The following ANK3 variants were observed in gnomAD, a reference collection of about 807,000 sequenced individuals.
ANK3 encodes ankyrin-3.
Under a neutral mutation model 370.9 loss-of-function variants are expected in ANK3, and 57 were observed. That is an observed-to-expected ratio of 0.15 (90% CI 0.12 to 0.19). The LOEUF is 0.19. ANK3 is among the 10% of genes least tolerant of loss of function. The pLI is 1.00. For missense variants in ANK3, 4,439 were observed against 5,302.1 expected, an observed-to-expected ratio of 0.84 and a Z score of 5.06; for synonymous variants, 1,929 against 1,946.3, an observed-to-expected ratio of 0.99 and a Z score of 0.23.
chr10:60,322,082 T>C (rs113529352), intron 1 of ANK3, among the ~76,000 whole-genome samples: 77 of 152,306 alleles, frequency 5.1e-4, no homozygotes, highest in African/African-American at 1.8e-3. Context: ...TTTCTAGTTG[T>C]ATAAATATTT....
At chr10:60,732,836 T>A (rs1266889039) in intron 1 of ANK3, among the ~76,000 whole-genome samples, 1 of 151,888 alleles carries the variant, frequency 6.6e-6, no homozygotes, top group Admixed American at 6.6e-5. Flanking sequence ...TTCAGTCGTG[T>A]CCTTAGGAAA....
chr10:60,106,073 C>A lies in ANK3; in HGVS notation c.3174-14G>T, dbSNP rs2092126292. On this transcript the variant is annotated splice_polypyrimidine_tract_variant and intron_variant, in intron 27 of 43. Coordinates refer to ENST00000280772, the MANE Select transcript of ANK3 (RefSeq NM_020987.5). ...ACTATGACAGGGCTGGAAAAAAAAT[C>A]CACATTATTTTGGTATCAAATTAAA... 1.3e-6 allele frequency: 2 copies of A among 1,593,150 alleles called. No individual in the cohort carries two copies. Among genetic ancestry groups the A allele is most frequent in the East Asian group, 2.3e-5 (1 of 43,744 alleles).
chr10:60,579,504 T>C (rs1163493901), intron 2 of ANK3, among the ~76,000 whole-genome samples: 1 of 152,004 alleles, frequency 6.6e-6, no homozygotes. Flanking sequence ...ATTTGTACCC[T>C]CACCTGTGAC....
Position 60,069,280 on chromosome 10 carries a change from T to C in ANK3, c.11601A>G (p.Ile3867Met). ...AGGTATCTTTTGGTGAAGTGGCCTT[T>C]ATGGGAAGTTTGGATTTTTGCCTAA... ...IGIRQKSKLP[I>M]KATSPKDTFP... Residue 3867 changes from isoleucine (I) to methionine (M), a missense_variant, in exon 37 of 44, where the codon ATA becomes ATG. Around this residue, in one of 13 missense-constraint regions of ANK3, gnomAD observed 496 missense variants for 529.3 expected, o/e 0.94. Transcript: ENST00000280772. 6.2e-7 allele frequency: 1 copy of C among 1,614,168 alleles called. No homozygotes were observed. Among genetic ancestry groups the C allele is most frequent in the Non-Finnish European group, 8.5e-7 (1 of 1,179,996 alleles).
chr10:60,530,531 A>C (rs2076580349), intron 2 of ANK3, among the ~76,000 whole-genome samples: 1 of 151,702 alleles, frequency 6.6e-6, no homozygotes, highest in South Asian at 2.1e-4. Context: ...ACTAGACTGC[A>C]GCAAATGAGG....
chr10:60,536,811 A>G (rs1595229867), intron 2 of ANK3, among the ~76,000 whole-genome samples: 2 of 152,032 alleles, frequency 1.3e-5, no homozygotes, highest in East Asian at 3.9e-4. Flanking sequence ...TTCTTTAAGT[A>G]ATAGTGCACC....
Position 60,077,866 on chromosome 10 carries a change from G to A in ANK3, c.4433-1418C>T, listed in dbSNP as rs543852512. On this transcript the variant is annotated intron_variant, in intron 36 of 43. Coordinates refer to ENST00000280772, the MANE Select transcript of ANK3 (RefSeq NM_020987.5). ...ATATCACAAACACTGAAGCAGTCAC[G>A]AGGGAGACCTACCACTAGGAAGAAT... is the stretch of plus-strand genomic sequence containing the variant. Among the ~76,000 whole-genome samples the A allele has an allele frequency of 9.9e-5, 15 of 152,202 alleles. No individual in the cohort carries two copies. In the East Asian group the frequency reaches 1.5e-3, roughly 16 times the overall value.
At chr10:60,241,388 T>C (rs927911831) in intron 7 of ANK3, among the ~76,000 whole-genome samples, 1 of 152,218 alleles carries the variant, frequency 6.6e-6, no homozygotes, top group Non-Finnish European at 1.5e-5. Context: ...TTGTACCAAA[T>C]AAATTTTTTC....
intron 2 of ANK3, among the ~76,000 whole-genome samples, chr10:60,417,285 G>A (rs921770751): frequency 6.6e-6 from 1 of 152,168 alleles, no homozygotes; most frequent in African/African-American, 2.4e-5. Flanking sequence ...CATGATCCAG[G>A]TGGTTTGAGA....
At chr10:60,411,990 T>C (rs1233162594) in intron 2 of ANK3, among the ~76,000 whole-genome samples, 2 of 152,110 alleles carry the variant, frequency 1.3e-5, no homozygotes, top group Non-Finnish European at 2.9e-5. Flanking sequence ...CCTTTGAATC[T>C]CTAAAAGGCT....
rs1014219916 is a variant in ANK3 at position 60,617,309 on chromosome 10, C to G, written c.58-2085G>C. Among the ~76,000 whole-genome samples the G allele has an allele frequency of 4.6e-5, 7 of 151,066 alleles. No individual in the cohort carries two copies. The East Asian group carries it at 9.7e-4, about 21-fold the overall frequency. On this transcript the variant is annotated intron_variant, in intron 1 of 43. Transcript: ENST00000373827. ...CCCTATCACTATCTTTTACCCTTGGCTTTTTTTTTAACCCATGTGGACTTT... is the reference window on the plus strand; with the variant it reads ...CCCTATCACTATCTTTTACCCTTGGGTTTTTTTTTAACCCATGTGGACTTT...
chr10:60,427,430 T>C, intron 2 of ANK3, among the ~76,000 whole-genome samples: 1 of 151,878 alleles, frequency 6.6e-6, no homozygotes, highest in Admixed American at 6.6e-5. Flanking sequence ...ACATTCTTGG[T>C]GAGGAACCAC....
rs1171688942 is a variant in ANK3 at position 60,240,109 on chromosome 10, C to CATATATATACACACAT, written c.799-5339_799-5324dup. On this transcript the variant is annotated intron_variant, in intron 7 of 43. Transcript: ENST00000280772. ...CACTATATATACACACACATAAATA[C>CATATATATACACACAT]ATATATATACACACATATATATACA... is the stretch of plus-strand genomic sequence containing the variant. 1.2e-3 allele frequency among the ~76,000 whole-genome samples: 138 copies of CATATATATACACACAT among 118,744 alleles called. 3 individuals are homozygous for CATATATATACACACAT. Among genetic ancestry groups the CATATATATACACACAT allele is most frequent in the African/African-American group, 4.1e-3 (135 of 32,532 alleles). The allele number at this position is 118,744 out of a possible 152,430, so 77.9% of individuals were successfully genotyped here.
intron 7 of ANK3, among the ~76,000 whole-genome samples, chr10:60,239,114 A>C (rs1301664901): frequency 6.6e-6 from 1 of 152,180 alleles, no homozygotes; most frequent in African/African-American, 2.4e-5. Flanking sequence ...AGGAGAAAAA[A>C]GAGTGGAAAA....
chr10:60,346,468 C>T (rs1052955304), intron 1 of ANK3, among the ~76,000 whole-genome samples: 6 of 73,426 alleles, frequency 8.2e-5, no homozygotes, highest in Non-Finnish European at 2.3e-4. Flanking sequence ...ACTTATAACT[C>T]TTTATAAATT....
chr10:60,334,678 T>C (rs987066851), intron 1 of ANK3, among the ~76,000 whole-genome samples: 21 of 152,172 alleles, frequency 1.4e-4, no homozygotes, highest in Non-Finnish European at 2.8e-4. Context: ...TATGATGCAG[T>C]AAAATTTTTC....
chr10:60,058,553 T>C (rs999796227), intron 41 of ANK3, among the ~76,000 whole-genome samples: 2 of 152,218 alleles, frequency 1.3e-5, no homozygotes, highest in Non-Finnish European at 1.5e-5. Context: ...GCTTTTCTTT[T>C]TGCTACTCTG....
At chr10:60,102,388 A>C (rs1276396371) in intron 28 of ANK3, among the ~76,000 whole-genome samples, 2 of 152,102 alleles carry the variant, frequency 1.3e-5, no homozygotes, top group African/African-American at 4.8e-5. Context: ...ATATTAGCTC[A>C]TCTATTCCTT....
chr10:60,141,170 T>C (rs2094540987), intron 23 of ANK3, among the ~76,000 whole-genome samples: 3 of 152,132 alleles, frequency 2.0e-5, no homozygotes, highest in Non-Finnish European at 4.4e-5. Flanking sequence ...CACTTTGCAA[T>C]ACACTAATTG....
Sources: gnomAD v4.1 joint callset for allele counts (sites outside exome capture counted in the v4.1 genomes callset) on GRCh38, gnomAD v4.1.1 for gene constraint, gnomAD v4.1.1 regional missense constraint, MANE v1.5 for transcripts, NCBI Gene and HGNC (gene_info 2026-07-23, HGNC 2026-07-21) for gene names.